CFH: variants seen among roughly 807,000 people sequenced by gnomAD.
CFH encodes the protein complement factor H, also known as H factor 1 (complement).
Under a neutral mutation model 147.3 loss-of-function variants are expected in CFH, and 53 were observed. The ratio of observed to expected loss-of-function variants is 0.36; its 90% confidence interval spans 0.29 to 0.45. The LOEUF is 0.45. Among genes scored for constraint, CFH ranks in the 20% least tolerant of loss-of-function variants. CFH has a pLI of 1.00. For synonymous variants in CFH, 536 were observed against 489.4 expected (o/e 1.10, Z -1.26); for missense variants, 1,380 against 1,498.0 (o/e 0.92, Z 1.30).
rs749877011 is a variant in CFH, at chr1:196,679,696, A to G, written c.693A>G (p.Glu231=). The G allele has an allele frequency of 1.2e-6, 2 of 1,609,516 alleles. No homozygotes were observed. Among genetic ancestry groups the G allele is most frequent in the Non-Finnish European group, 1.7e-6 (2 of 1,176,524 alleles). The change falls in exon 6 of 22, where the codon GAA becomes GAG. Residue 231 remains glutamate (E), a synonymous_variant. Transcript: ENST00000367429. ...AGAAGATTATTTATAAGGAGAATGA[A>G]CGATTTCAATATAAATGTAACATGG... ...ISQKIIYKEN[E]RFQYKCNMGY...
chr1:196,725,374 G>T, intron 12 of CFH, 77 bp downstream of exon 12: 4 of 1,419,338 alleles, frequency 2.8e-6, no homozygotes, highest in Non-Finnish European at 4.0e-6. Flanking sequence ...AATTTTGTTT[G>T]GGCTCCCATT....
In CFH at chr1:196,692,746, T is replaced by TTTTCTTTC. The variant is rs765086697; in HGVS notation, c.1336+2577_1336+2584dup. Among the ~76,000 whole-genome samples the TTTTCTTTC allele has an allele frequency of 4.1e-3, 171 of 41,748 alleles. 3 individuals carry two copies. The highest frequency in any genetic ancestry group is 6.9e-3 in the South Asian group (6 of 866). 27.4% of individuals were successfully genotyped at this position (41,748 alleles called of 152,430 possible). On this transcript the variant is annotated intron_variant, in intron 9 of 21. Coordinates refer to ENST00000367429, the MANE Select transcript of CFH (RefSeq NM_000186.4). ...TTTCTTTCTCTTTCCCTTCCTTTCT[T>TTTTCTTTC]TTTCTTTCTTTCTTTCTTTCTTTCT...
chr1:196,711,190 TTATTG>T (rs1668716337), intron 9 of CFH, among the ~76,000 whole-genome samples: 1 of 152,132 alleles, frequency 6.6e-6, no homozygotes, highest in African/African-American at 2.4e-5. Flanking sequence ...TCTCTGATCT[TTATTG>T]TAGTATTTCT....
At chr1:196,677,451 A>T in intron 4 of CFH, 25 bp from the exon 5 acceptor site, 2 of 1,605,612 alleles carry the variant, frequency 1.2e-6, no homozygotes, top group Non-Finnish European at 1.7e-6. Context: ...ATTCCATTAG[A>T]AAACATTACA....
At chr1:196,658,651 T>C (rs112344514) in intron 1 of CFH, among the ~76,000 whole-genome samples, 19 of 152,040 alleles carry the variant, frequency 1.2e-4, no homozygotes, top group African/African-American at 3.6e-4. Context: ...TCTCCTGACC[T>C]CGTGATCTGG....
chr1:196,706,982 G>T (rs1668605620), intron 9 of CFH, among the ~76,000 whole-genome samples: 1 of 152,128 alleles, frequency 6.6e-6, no homozygotes, highest in Non-Finnish European at 1.5e-5. Flanking sequence ...GCTAATGAGA[G>T]CCTTGGTAGA....
chr1:196,735,218 T>C lies in CFH; in HGVS notation c.2414-1606T>C, dbSNP rs189702292. Among the ~76,000 whole-genome samples, 80 of 152,278 alleles carry C rather than the reference T, an allele frequency of 5.3e-4. 1 individual carries two copies. Among genetic ancestry groups the C allele is most frequent in the Admixed American group, 4.1e-3 (62 of 15,284 alleles). On this transcript the variant is annotated intron_variant, in intron 15 of 21. Coordinates refer to ENST00000367429, the MANE Select transcript of CFH (RefSeq NM_000186.4). ...TGATGATTAATTATATGGAAGTTTA[T>C]TGTTTAATTTCAAAATATTTGTTTT...
chr1:196,665,430 C>A (rs2149072483), intron 1 of CFH, among the ~76,000 whole-genome samples: 1 of 151,036 alleles, frequency 6.6e-6, no homozygotes, highest in Admixed American at 6.6e-5. Flanking sequence ...GACATATCAT[C>A]ATATATAGCA....
intron 15 of CFH, among the ~76,000 whole-genome samples, chr1:196,731,142 T>G (rs1669271090): frequency 6.6e-6 from 1 of 151,574 alleles, no homozygotes; most frequent in Admixed American, 6.6e-5. Context: ...TTTTTAAAAT[T>G]CTTTGTTTCT....
At chr1:196,736,681 G>A in intron 15 of CFH, 143 bp from the exon 16 acceptor site, 1 of 308,450 alleles carries the variant, frequency 3.2e-6, no homozygotes, top group Non-Finnish European at 5.3e-6. Flanking sequence ...TAATTAATAT[G>A]TGATAATTTA....
intron 12 of CFH, 37 bp from the exon 13 acceptor site, chr1:196,726,433 C>A (rs1298100723): frequency 1.4e-6 from 2 of 1,479,022 alleles, no homozygotes; most frequent in East Asian, 2.3e-5. Context: ...GTAAAACAGA[C>A]AATTTAACCA....
At chr1:196,735,685 G>T in intron 15 of CFH, among the ~76,000 whole-genome samples, 1 of 151,788 alleles carries the variant, frequency 6.6e-6, no homozygotes, top group South Asian at 2.1e-4. Context: ...TAGAAGGAAA[G>T]AATCATTCAA....
Position 196,679,621 on chromosome 1 carries a change from A to G in CFH, c.620-2A>G. ...TTTTGGAATTTAATCCCTTTTATTT[A>G]GAAATTTCATGCAAATCCCCAGATG... On this transcript the variant is annotated splice_acceptor_variant, in intron 5 of 21. Coordinates refer to ENST00000367429, the MANE Select transcript of CFH (RefSeq NM_000186.4). LOFTEE classifies it high-confidence loss of function. 6.3e-7 allele frequency: 1 copy of G among 1,595,346 alleles called. No individual in the cohort carries two copies. The highest frequency in any genetic ancestry group is 8.6e-7 in the Non-Finnish European group (1 of 1,164,710).
intron 6 of CFH, among the ~76,000 whole-genome samples, chr1:196,680,835 T>C (rs1017671110): frequency 1.3e-5 from 2 of 151,898 alleles, no homozygotes; most frequent in African/African-American, 4.8e-5. Flanking sequence ...TTTTATACAC[T>C]AAAAAAATTT....
intron 9 of CFH, among the ~76,000 whole-genome samples, chr1:196,707,048 A>G (rs904834028): frequency 6.6e-6 from 1 of 152,120 alleles, no homozygotes; most frequent in Non-Finnish European, 1.5e-5. Context: ...CCATAGTGCA[A>G]TTTCTGTAGC....
intron 19 of CFH, 99 bp downstream of exon 19, chr1:196,742,150 G>T (rs151243611): frequency 5.2e-6 from 6 of 1,145,686 alleles, no homozygotes; most frequent in Middle Eastern, 2.5e-4. Context: ...CGAGGTGGGC[G>T]GATCACTTGA....
At chr1:196,700,992 T>C (rs1345951560) in intron 9 of CFH, 4 of 365,828 alleles carry the variant, frequency 1.1e-5, no homozygotes, top group Non-Finnish European at 1.5e-5. Flanking sequence ...TGAGGTCTTG[T>C]TGACACTCCC....
chr1:196,741,987 AATGG>A lies in CFH; in HGVS notation c.3075_3078del (p.Asp1025GlufsTer5). The A allele has an allele frequency of 6.2e-7, 1 of 1,614,196 alleles. No homozygotes were observed. The highest frequency in any genetic ancestry group is 8.5e-7 in the Non-Finnish European group (1 of 1,180,030). ...CTTACACTTGTGCAACATATTACAA[AATGG>A]ATGGAGCCAGTAATGTAACATGCAT... is the stretch of plus-strand genomic sequence containing the variant. On this transcript the variant is annotated frameshift_variant, in exon 19 of 22. Coordinates refer to ENST00000367429, the MANE Select transcript of CFH (RefSeq NM_000186.4). LOFTEE classifies it high-confidence loss of function.
intron 1 of CFH, among the ~76,000 whole-genome samples, chr1:196,654,984 T>G (rs1666636434): frequency 6.6e-6 from 1 of 152,202 alleles, no homozygotes; most frequent in African/African-American, 2.4e-5. Context: ...AATTGTGCGA[T>G]GGCCCAATTG....
Sources: allele counts gnomAD v4.1 joint callset (sites outside exome capture counted in the v4.1 genomes callset), GRCh38; gene constraint gnomAD v4.1.1; transcripts MANE v1.5; gene names NCBI Gene and HGNC (gene_info 2026-07-23, HGNC 2026-07-21).